The following ETFA variants were observed in gnomAD, a reference collection of about 807,000 sequenced individuals.
ETFA encodes the protein electron transfer flavoprotein subunit alpha.
Under a neutral mutation model 46.2 loss-of-function variants are expected in ETFA, and 22 were observed. That is an observed-to-expected ratio of 0.48 (90% confidence interval 0.34 to 0.68). The LOEUF (loss-of-function observed/expected upper bound fraction) is 0.68. Ranked by LOEUF, ETFA falls within the 30% of genes least tolerant of loss-of-function variation. The pLI, the probability that ETFA is intolerant of heterozygous loss-of-function variation, is 0.01. For missense variants in ETFA, 345 were observed against 401.1 expected, an observed-to-expected ratio of 0.86 and a Z score of 1.19; for synonymous variants, 131 against 139.9, an observed-to-expected ratio of 0.94 and a Z score of 0.45.
intron 2 of ETFA, among the ~76,000 whole-genome samples, chr15:76,294,983 T>C (rs1391526576): frequency 1.3e-5 from 2 of 152,140 alleles, no homozygotes; most frequent in African/African-American, 2.4e-5. Context: ...TGGCTGAAGG[T>C]GTGTAAGCTT....
chr15:76,277,264 T>C (rs1029997580), intron 8 of ETFA, among the ~76,000 whole-genome samples: 6 of 152,290 alleles, frequency 3.9e-5, no homozygotes, highest in South Asian at 2.1e-4. Flanking sequence ...TAGGCTCTGA[T>C]AAAGCCCCAC....
intron 9 of ETFA, among the ~76,000 whole-genome samples, chr15:76,249,585 G>A (rs1461667875): frequency 6.6e-6 from 1 of 151,764 alleles, no homozygotes; most frequent in Non-Finnish European, 1.5e-5. Flanking sequence ...GGGACTACAG[G>A]CGCCCGCCAC....
chr15:76,270,786 G>A (rs1343570564), intron 9 of ETFA, among the ~76,000 whole-genome samples: 2 of 152,058 alleles, frequency 1.3e-5, no homozygotes, highest in African/African-American at 2.4e-5. Flanking sequence ...GGGACAATTC[G>A]TACATCAATA....
intron 9 of ETFA, among the ~76,000 whole-genome samples, chr15:76,273,911 A>G (rs2039567237): frequency 6.6e-6 from 1 of 152,226 alleles, no homozygotes; most frequent in African/African-American, 2.4e-5. Context: ...AGTATCACTT[A>G]TCTATGTAGA....
intron 4 of ETFA, among the ~76,000 whole-genome samples, chr15:76,289,342 T>C (rs2039735312): frequency 6.6e-6 from 1 of 152,224 alleles, no homozygotes; most frequent in South Asian, 2.1e-4. Context: ...TCAGGAATTA[T>C]TACTGGAATA....
At chr15:76,231,990 A>G (rs1255001029) in intron 9 of ETFA, among the ~76,000 whole-genome samples, 1 of 152,188 alleles carries the variant, frequency 6.6e-6, no homozygotes, top group Non-Finnish European at 1.5e-5. Context: ...TTAAACACAC[A>G]CACGTACACA....
chr15:76,226,795 C>T (rs11631690), intron 10 of ETFA, among the ~76,000 whole-genome samples: 42,838 of 151,922 alleles, frequency 0.28, 6,454 homozygotes, highest in East Asian at 0.56. Flanking sequence ...AGGAGAATGG[C>T]GTGAACCCAG....
At chr15:76,228,480 T>A (rs1567196714) in intron 10 of ETFA, among the ~76,000 whole-genome samples, 1 of 152,150 alleles carries the variant, frequency 6.6e-6, no homozygotes, top group African/African-American at 2.4e-5. Flanking sequence ...GGGATTACAG[T>A]GCCACTATGC....
intron 1 of ETFA, among the ~76,000 whole-genome samples, chr15:76,306,072 T>G (rs548092456): frequency 1.3e-5 from 2 of 151,892 alleles, no homozygotes; most frequent in Non-Finnish European, 2.9e-5. Context: ...TGCTGTGACT[T>G]GAACTGTATA....
chr15:76,232,746 T>C (rs992202135), intron 9 of ETFA, among the ~76,000 whole-genome samples: 1 of 152,224 alleles, frequency 6.6e-6, no homozygotes, highest in Non-Finnish European at 1.5e-5. Context: ...GCTCACTTTT[T>C]CCAATTGTAA....
rs572512310 is a variant in ETFA at position 76,224,873 on chromosome 15, C to T, written c.963+976G>A. 1.3e-4 allele frequency among the ~76,000 whole-genome samples: 20 copies of T among 152,218 alleles called. No individual in the cohort carries two copies. The South Asian group carries it at 3.9e-3, about 30-fold the overall frequency. On this transcript the variant is annotated intron_variant, in intron 11 of 11. Coordinates refer to ENST00000557943, the MANE Select transcript of ETFA (RefSeq NM_000126.4). ...CATGAGTCATGACCTTTAAATGTAG[C>T]CAAATGAGTATCAGGTGCTCATCAC...
intron 1 of ETFA, among the ~76,000 whole-genome samples, chr15:76,295,939 T>A (rs1214154183): frequency 2.8e-5 from 1 of 35,878 alleles, no homozygotes. Flanking sequence ...TAATATTCTT[T>A]TTTTTTTTTT....
chr15:76,278,879 G>A lies in ETFA; in HGVS notation c.734-4385C>T, dbSNP rs1406283319. Reference sequence around the variant, plus strand: ...TCCAGTAATTCTGACTTCCCTCAGGGGAGAATTACTGAGGGAGAATAAGGG... The same window carrying A: ...TCCAGTAATTCTGACTTCCCTCAGGAGAGAATTACTGAGGGAGAATAAGGG... On this transcript the variant is annotated intron_variant, in intron 8 of 11. Coordinates refer to ENST00000557943, the MANE Select transcript of ETFA (RefSeq NM_000126.4). Among the ~76,000 whole-genome samples the A allele has an allele frequency of 5.9e-5, 9 of 152,196 alleles. No homozygotes were observed. In the South Asian group the frequency reaches 1.7e-3, roughly 28 times the overall value.
At chr15:76,259,481 G>A (rs575176290) in intron 9 of ETFA, 10 of 865,954 alleles carry the variant, frequency 1.2e-5, no homozygotes, top group East Asian at 9.6e-5. Context: ...TCCCGCCAAT[G>A]AGGTAGTTGT....
intron 1 of ETFA, among the ~76,000 whole-genome samples, chr15:76,296,174 T>C (rs905589454): frequency 1.3e-5 from 2 of 151,950 alleles, no homozygotes; most frequent in African/African-American, 4.8e-5. Context: ...GGTCTCCATC[T>C]CCTGACCTCG....
At chr15:76,248,016 A>C (rs775808792) in intron 9 of ETFA, among the ~76,000 whole-genome samples, 1 of 152,248 alleles carries the variant, frequency 6.6e-6, no homozygotes, top group Non-Finnish European at 1.5e-5. Context: ...ATAATGAGTT[A>C]TACCTACATT....
chr15:76,305,688 A>AT (rs1432867779), intron 1 of ETFA, among the ~76,000 whole-genome samples: 2 of 152,120 alleles, frequency 1.3e-5, no homozygotes, highest in Admixed American at 6.5e-5. Context: ...CTTGAAAATA[A>AT]TTTCCACAGA....
chr15:76,306,301 C>T (rs2039940120), intron 1 of ETFA, among the ~76,000 whole-genome samples: 1 of 115,044 alleles, frequency 8.7e-6, no homozygotes, highest in Non-Finnish European at 1.7e-5. Flanking sequence ...GAGTCTCGCT[C>T]AGTCGCCCAG....
At chr15:76,287,404 G>A (rs2039713856) in intron 5 of ETFA, among the ~76,000 whole-genome samples, 1 of 152,150 alleles carries the variant, frequency 6.6e-6, no homozygotes, top group South Asian at 2.1e-4. Flanking sequence ...CTGAGTTCAA[G>A]TAATCCTCCC....
Sources: gnomAD v4.1 joint callset for allele counts (sites outside exome capture counted in the v4.1 genomes callset) on GRCh38, gnomAD v4.1.1 for gene constraint, MANE v1.5 for transcripts, NCBI Gene and HGNC (gene_info 2026-07-23, HGNC 2026-07-21) for gene names.